The following AKT3 variants were observed in gnomAD, a reference collection of about 807,000 sequenced individuals.
AKT3 encodes the protein RAC-gamma serine/threonine-protein kinase.
AKT3 carries 15 observed loss-of-function variants against 65.3 expected under a neutral mutation model. That is an observed-to-expected ratio of 0.23 (90% CI 0.15 to 0.35). AKT3 has a LOEUF of 0.35. Ranked by LOEUF, AKT3 falls within the 10% of genes least tolerant of loss-of-function variation. The pLI is 1.00. For missense variants in AKT3, 243 were observed against 576.5 expected, an observed-to-expected ratio of 0.42 and a Z score of 5.92; for synonymous variants, 206 against 183.8, an observed-to-expected ratio of 1.12 and a Z score of -0.98.
At chr1:243,509,465 A>G (rs1297282366) in intron 13 of AKT3, among the ~76,000 whole-genome samples, 5 of 152,190 alleles carry the variant, frequency 3.3e-5, no homozygotes, top group South Asian at 4.1e-4. Flanking sequence ...GGGCTTTGAA[A>G]TTCAAGTCAA....
At chr1:243,729,090 C>T (rs1450856626) in intron 2 of AKT3, among the ~76,000 whole-genome samples, 3 of 152,140 alleles carry the variant, frequency 2.0e-5, no homozygotes, top group African/African-American at 4.8e-5. Context: ...TTACTAGACT[C>T]TTCAGAGGAG....
intron 2 of AKT3, among the ~76,000 whole-genome samples, chr1:243,826,155 A>C (rs887863684): frequency 5.3e-4 from 80 of 152,190 alleles, no homozygotes; most frequent in African/African-American, 1.8e-3. Flanking sequence ...AAAAGAAAGG[A>C]GCATAAACCT....
chr1:243,523,323 T>C (rs552351032), intron 12 of AKT3, among the ~76,000 whole-genome samples: 13 of 140,832 alleles, frequency 9.2e-5, no homozygotes, highest in African/African-American at 1.9e-4. Flanking sequence ...CAGAAACCAA[T>C]TGGATATCCA....
At chr1:243,747,693 C>A (rs958582402) in intron 2 of AKT3, among the ~76,000 whole-genome samples, 1 of 152,154 alleles carries the variant, frequency 6.6e-6, no homozygotes, top group Non-Finnish European at 1.5e-5. Flanking sequence ...GCAAATGAAA[C>A]TCTTAGTATC....
At chr1:243,780,504 T>C (rs916261518) in intron 2 of AKT3, among the ~76,000 whole-genome samples, 1 of 151,696 alleles carries the variant, frequency 6.6e-6, no homozygotes, top group African/African-American at 2.4e-5. Flanking sequence ...ATGTCTCAAA[T>C]TTACCCTAAA....
At chr1:243,748,621 A>ACTGAGATC (rs1688619940) in intron 2 of AKT3, among the ~76,000 whole-genome samples, 1 of 152,208 alleles carries the variant, frequency 6.6e-6, no homozygotes, top group East Asian at 1.9e-4. Flanking sequence ...TTCACTGAGA[A>ACTGAGATC]ATACTATTTA....
At chr1:243,513,881 T>G (rs961148416) in intron 12 of AKT3, among the ~76,000 whole-genome samples, 1 of 152,178 alleles carries the variant, frequency 6.6e-6, no homozygotes, top group Non-Finnish European at 1.5e-5. Flanking sequence ...CCCCTGGACA[T>G]GAGCAAGCAG....
At chr1:243,606,401 C>T (rs1054956485) in intron 8 of AKT3, among the ~76,000 whole-genome samples, 10 of 152,050 alleles carry the variant, frequency 6.6e-5, no homozygotes, top group Admixed American at 4.6e-4. Flanking sequence ...CAGATGAAGA[C>T]GAGGAACTTA....
rs116217222 is a variant in AKT3, at chr1:243,658,076, C to A, written c.284+6696G>T. 5.1e-3 allele frequency among the ~76,000 whole-genome samples: 778 copies of A among 152,172 alleles called. 9 individuals carry two copies. The highest frequency in any genetic ancestry group is 0.018 in the African/African-American group (738 of 41,526). On this transcript the variant is annotated intron_variant, in intron 4 of 13. Transcript: ENST00000673466. ...ATAATTTGGTCTTTAGAAATGATTT[C>A]TTGATGCTGACAAAAGCAGTAATAG... is the stretch of plus-strand genomic sequence containing the variant.
chr1:243,584,180 T>C (rs1430203689), intron 8 of AKT3, among the ~76,000 whole-genome samples: 2 of 152,012 alleles, frequency 1.3e-5, no homozygotes, highest in African/African-American at 4.8e-5. Context: ...CCTCAGAGGC[T>C]ATGTGTCTAT....
At position 243,829,736 on chromosome 1, in the gene AKT3, C is replaced by G. The variant is rs138967424; in HGVS notation, c.46+13389G>C. Among the ~76,000 whole-genome samples the G allele has an allele frequency of 9.9e-5, 15 of 152,258 alleles. No individual in the cohort carries two copies. The East Asian group carries it at 2.5e-3, about 25-fold the overall frequency. ...GGCTACGGTATAAGAAAGTAGAACC[C>G]TTCACATATTAGTGCTAGGAATGTA... On this transcript the variant is annotated intron_variant, in intron 2 of 13. Transcript: ENST00000673466.
At chr1:243,723,554 C>T (rs751008273) in intron 2 of AKT3, among the ~76,000 whole-genome samples, 4 of 152,156 alleles carry the variant, frequency 2.6e-5, no homozygotes, top group African/African-American at 4.8e-5. Flanking sequence ...AAAGCCATTA[C>T]CTCACCATTA....
intron 2 of AKT3, among the ~76,000 whole-genome samples, chr1:243,701,655 A>AGAAAAAATGC (rs1286494361): frequency 3.0e-4 from 40 of 131,940 alleles, no homozygotes; most frequent in African/African-American, 9.3e-4. Flanking sequence ...TTCTTACCTA[A>AGAAAAAATGC]GAAAAAATGC....
intron 2 of AKT3, among the ~76,000 whole-genome samples, chr1:243,707,185 C>T (rs957436487): frequency 6.6e-6 from 1 of 151,972 alleles, no homozygotes; most frequent in Non-Finnish European, 1.5e-5. Flanking sequence ...TTAGTGAGTA[C>T]CTAATATGTA....
chr1:243,664,113 C>G (rs1682591314), intron 4 of AKT3, among the ~76,000 whole-genome samples: 1 of 151,114 alleles, frequency 6.6e-6, no homozygotes, highest in African/African-American at 2.4e-5. Context: ...CTATCACTAG[C>G]CTTGGAATTT....
intron 4 of AKT3, among the ~76,000 whole-genome samples, chr1:243,649,317 G>A (rs1301338234): frequency 1.9e-3 from 20 of 10,594 alleles, no homozygotes; most frequent in Admixed American, 6.3e-3. Context: ...GTGTATATGT[G>A]TGTGTGTGTG....
At chr1:243,597,534 C>T (rs1279999375) in intron 8 of AKT3, among the ~76,000 whole-genome samples, 3 of 152,150 alleles carry the variant, frequency 2.0e-5, no homozygotes, top group African/African-American at 7.2e-5. Flanking sequence ...GACAGGGTCT[C>T]ACTCTGTTGC....
chr1:243,642,531 G>C (rs12048114), intron 5 of AKT3, among the ~76,000 whole-genome samples: 87,334 of 151,480 alleles, frequency 0.58, 28,080 homozygotes, highest in Non-Finnish European at 0.73. Flanking sequence ...GGATGGTCTC[G>C]ATCTCCTGAC....
At chr1:243,663,149 G>C (rs1301832849) in intron 4 of AKT3, among the ~76,000 whole-genome samples, 1 of 152,210 alleles carries the variant, frequency 6.6e-6, no homozygotes. Flanking sequence ...CATCATCTTT[G>C]CTGTCAAGAA....
Sources: gnomAD v4.1 joint callset for allele counts (sites outside exome capture counted in the v4.1 genomes callset) on GRCh38, gnomAD v4.1.1 for gene constraint, MANE v1.5 for transcripts, NCBI Gene and HGNC (gene_info 2026-07-23, HGNC 2026-07-21) for gene names.